The following CYFIP2 variants were observed in gnomAD, a reference collection of about 807,000 sequenced individuals.
The protein encoded by CYFIP2 is cytoplasmic FMR1-interacting protein 2.
A neutral mutation model predicts 158.7 loss-of-function variants in CYFIP2; 29 were observed. The observed-to-expected ratio is 0.18, with a 90% CI of 0.14 to 0.25. CYFIP2 has a LOEUF of 0.25. Among genes scored for constraint, CYFIP2 ranks in the 10% least tolerant of loss-of-function variants. The pLI, the probability that CYFIP2 is intolerant of heterozygous loss-of-function variation, is 1.00. For synonymous variants in CYFIP2, 585 were observed against 617.6 expected, an observed-to-expected ratio of 0.95 and a Z score of 0.78; for missense variants, 852 against 1,639.5, an observed-to-expected ratio of 0.52 and a Z score of 8.29.
At position 157,309,981 on chromosome 5, in the gene CYFIP2, C is replaced by T. The variant is rs149797463; in HGVS notation, c.992+147C>T. ...ACACAGGTGCCGGCCGGAGGGGAGCCGCGAGGGTGCTCTGAGCCCTTTTGT... is the reference window on the plus strand; with the variant it reads ...ACACAGGTGCCGGCCGGAGGGGAGCTGCGAGGGTGCTCTGAGCCCTTTTGT... On this transcript the variant is annotated intron_variant, in intron 10 of 30. Transcript: ENST00000620254. 335 of 745,542 alleles carry T rather than the reference C, an allele frequency of 4.5e-4. 1 individual carries two copies. The African/African-American group carries it at 5.3e-3, about 12-fold the overall frequency. 46.2% of individuals were successfully genotyped at this position (745,542 alleles called of 1,614,324 possible).
At chr5:157,355,589 C>T (rs1763356761) in intron 23 of CYFIP2, among the ~76,000 whole-genome samples, 2 of 152,116 alleles carry the variant, frequency 1.3e-5, no homozygotes, top group South Asian at 4.1e-4. Flanking sequence ...GTGTGCCCAC[C>T]CCAAAGCCCA....
chr5:157,339,297 G>T (rs773934894), intron 22 of CYFIP2, 41 bp downstream of exon 22: 1 of 1,582,012 alleles, frequency 6.3e-7, no homozygotes, highest in Admixed American at 1.7e-5. Flanking sequence ...GTGGGGGTTG[G>T]GGGAGTGGCC....
chr5:157,313,821 T>C (rs1452871156), intron 11 of CYFIP2, among the ~76,000 whole-genome samples: 2 of 152,244 alleles, frequency 1.3e-5, no homozygotes, highest in East Asian at 3.8e-4. Context: ...AATCAGTGAT[T>C]CATGTCTAAT....
chr5:157,272,692 C>T (rs984052605), intron 1 of CYFIP2, among the ~76,000 whole-genome samples: 1 of 152,102 alleles, frequency 6.6e-6, no homozygotes, highest in African/African-American at 2.4e-5. Context: ...GCCCCCGTCT[C>T]TCAAGATAGG....
rs544693710 is a variant in CYFIP2, at chr5:157,387,483, T to C, written c.3208-1706T>C. Among the ~76,000 whole-genome samples the C allele has an allele frequency of 3.9e-5, 6 of 152,342 alleles. No individual in the cohort carries two copies. The East Asian group carries it at 1.2e-3, about 29-fold the overall frequency. On this transcript the variant is annotated intron_variant, in intron 28 of 30. Transcript: ENST00000620254. ...TTAACCAAATGCACAGTAGATTAAT[T>C]AGTAAACCAGAACTTTGCATTAATT...
intron 11 of CYFIP2, among the ~76,000 whole-genome samples, chr5:157,312,530 CT>C (rs1759819818): frequency 6.6e-6 from 1 of 152,198 alleles, no homozygotes; most frequent in East Asian, 1.9e-4. Flanking sequence ...CACTAATCCC[CT>C]GACTCAGATT....
chr5:157,327,644 G>A (rs1761131328), intron 18 of CYFIP2, among the ~76,000 whole-genome samples: 1 of 152,092 alleles, frequency 6.6e-6, no homozygotes. Flanking sequence ...GGAGGCTGCC[G>A]AGTTAGCGGA....
chr5:157,320,684 G>C lies in CYFIP2; in HGVS notation c.1553G>C (p.Cys518Ser). 1 of 1,614,038 alleles carries C rather than the reference G, an allele frequency of 6.2e-7. No homozygotes were observed. Among genetic ancestry groups the C allele is most frequent in the Non-Finnish European group, 8.5e-7 (1 of 1,179,896 alleles). ...CTACAGGCAATTCGAAAGACCATCT[G>C]TGACTGGGAGGGAGGGCGAGAGCCC... ...SVLQAIRKTI[C>S]DWEGGREPPN... is the part of the protein sequence containing the mutation. Residue 518 changes from cysteine (C) to serine (S), a missense_variant, in exon 15 of 31, where the codon TGT becomes TCT. Coordinates refer to ENST00000620254, the MANE Select transcript of CYFIP2 (RefSeq NM_001037333.3).
Position 157,363,554 on chromosome 5 carries a change from TAAGG to T in CYFIP2, c.3039+1959_3039+1962del, listed in dbSNP as rs1384477366. The T allele has an allele frequency of 3.9e-5, 6 of 152,592 alleles. No homozygotes were observed. In the East Asian group the frequency reaches 9.7e-4, roughly 25 times the overall value. The allele number at this position is 152,592 out of a possible 1,614,324, so 9.5% of individuals were successfully genotyped here. ...TTTTGAAGAGGCTGGAGCTTGGTCT[TAAGG>T]AATAGGGAGGACCTCATAGTGAGCT... On this transcript the variant is annotated intron_variant, in intron 26 of 30. Coordinates refer to ENST00000620254, the MANE Select transcript of CYFIP2 (RefSeq NM_001037333.3).
In CYFIP2 at chr5:157,303,060, A is replaced by G. The variant is rs1758911521; in HGVS notation, c.666+170A>G. On this transcript the variant is annotated intron_variant, in intron 7 of 30. Transcript: ENST00000620254. ...CTGAGGACTTAAGTCTGTCCTCCCAACCCCAGGTGGCCGATTCACCCTCTC... is the reference window on the plus strand; with the variant it reads ...CTGAGGACTTAAGTCTGTCCTCCCAGCCCCAGGTGGCCGATTCACCCTCTC... 9.1e-6 allele frequency: 5 copies of G among 550,606 alleles called. No homozygotes were observed. In the East Asian group the frequency reaches 1.5e-4, roughly 17 times the overall value. The allele number at this position is 550,606 out of a possible 1,614,324, so 34.1% of individuals were successfully genotyped here. A position where few individuals can be genotyped will look rare whatever the true frequency, so the allele number is the denominator to read the frequency against.
chr5:157,323,356 G>A (rs1046804258), intron 15 of CYFIP2, among the ~76,000 whole-genome samples: 1 of 152,178 alleles, frequency 6.6e-6, no homozygotes. Context: ...TCAGGAACAG[G>A]TGTGGGAGGG....
chr5:157,385,963 A>G (rs984633448), intron 28 of CYFIP2, among the ~76,000 whole-genome samples: 5 of 152,192 alleles, frequency 3.3e-5, no homozygotes, highest in Non-Finnish European at 4.4e-5. Flanking sequence ...CCCTCCCTAC[A>G]TAACACCAAA....
chr5:157,305,252 C>T (rs1384354282), intron 8 of CYFIP2, among the ~76,000 whole-genome samples: 1 of 152,134 alleles, frequency 6.6e-6, no homozygotes, highest in Non-Finnish European at 1.5e-5. Flanking sequence ...ACTTCTCTTC[C>T]TCTGGGTAGA....
rs1324941403 is a variant in CYFIP2, at chr5:157,300,756, G to A, written c.429G>A (p.Leu143=). 6 of 1,612,070 alleles carry A rather than the reference G, an allele frequency of 3.7e-6. No homozygotes were observed. In the Admixed American group the frequency reaches 8.4e-5, roughly 22 times the overall value. The change falls in exon 6 of 31, where the codon CTG becomes CTA. Residue 143 remains leucine (L), a synonymous_variant. Coordinates refer to ENST00000620254, the MANE Select transcript of CYFIP2 (RefSeq NM_001037333.3). ...GGTTCTGCAGCGAGGTGAAGCGGCT[G>A]TGCCATGCCGAGCGCAGGAAGGACT... ...IERFCSEVKR[L]CHAERRKDFV...
intron 28 of CYFIP2, 66 bp downstream of exon 28, chr5:157,383,425 C>T: frequency 7.0e-7 from 1 of 1,433,072 alleles, no homozygotes; most frequent in Non-Finnish European, 9.7e-7. Context: ...TTGACCAAAC[C>T]CCCTCATTGT....
At chr5:157,381,816 G>A (rs1018764274) in intron 26 of CYFIP2, among the ~76,000 whole-genome samples, 1 of 150,802 alleles carries the variant, frequency 6.6e-6, no homozygotes, top group Non-Finnish European at 1.5e-5. Flanking sequence ...AAGTGTCAGA[G>A]TTTGAAATGG....
At chr5:157,272,505 C>G (rs1476812184) in intron 1 of CYFIP2, among the ~76,000 whole-genome samples, 1 of 152,136 alleles carries the variant, frequency 6.6e-6, no homozygotes, top group Non-Finnish European at 1.5e-5. Flanking sequence ...CAGCACCCAC[C>G]CTCCCCTAGA....
At chr5:157,383,457 C>T (rs772443770) in intron 28 of CYFIP2, 98 bp downstream of exon 28, 30 of 1,113,572 alleles carry the variant, frequency 2.7e-5, no homozygotes, top group Non-Finnish European at 3.9e-5. Context: ...AACTGAGGCT[C>T]AGAGAAGGGA....
At position 157,330,840 on chromosome 5, in the gene CYFIP2, G is replaced by C; in HGVS notation, c.2255G>C (p.Arg752Thr). 1 of 1,613,880 alleles carries C rather than the reference G, an allele frequency of 6.2e-7. No individual in the cohort carries two copies. Among genetic ancestry groups the C allele is most frequent in the Non-Finnish European group, 8.5e-7 (1 of 1,179,750 alleles). ...CGCTATGAAACACTGCTGAAGCAGA[G>C]ACACGTCCAGGTATGGGGAGCAGAA... ...SNRYETLLKQRHVQLLGRSID... is the reference protein window; with the variant it reads ...SNRYETLLKQTHVQLLGRSID... Residue 752 changes from arginine (R) to threonine (T), a missense_variant, in exon 20 of 31, where the codon AGA (arginine) becomes ACA (threonine). Physicochemically the swap from Arg to Thr is moderately conservative, Grantham distance 71. This residue lies in a region of CYFIP2 where 191 missense variants were observed against 311.2 expected (regional missense o/e 0.61). Transcript: ENST00000620254.
Sources: gnomAD v4.1 joint callset for allele counts (sites outside exome capture counted in the v4.1 genomes callset) on GRCh38, gnomAD v4.1.1 for gene constraint, gnomAD v4.1.1 regional missense constraint, MANE v1.5 for transcripts, NCBI Gene and HGNC (gene_info 2026-07-23, HGNC 2026-07-21) for gene names.